Variants in MSX2 observed in about 807,000 individuals in gnomAD.
MSX2 encodes the protein homeobox protein MSX-2.
Under a neutral mutation model 18.4 loss-of-function variants are expected in MSX2, and 10 were observed. The observed-to-expected ratio is 0.54, with a 90% CI of 0.34 to 0.92. The LOEUF (loss-of-function observed/expected upper bound fraction) is 0.92, where lower values mean the gene tolerates loss of function less well. MSX2 is among the 40% of genes least tolerant of loss of function. The pLI, the probability that MSX2 is intolerant of heterozygous loss-of-function variation, is 0.02. For missense variants in MSX2, 339 were observed against 364.0 expected (o/e 0.93, Z 0.56); for synonymous variants, 170 against 165.6 (o/e 1.03, Z -0.20).
rs1760739692 is a variant in MSX2 at position 174,724,771 on chromosome 5, C to G, written c.112C>G (p.Arg38Gly). ...PGGAEGAAEERRVKVSSLPFS... is the reference protein window; with the variant it reads ...PGGAEGAAEEGRVKVSSLPFS... Reference sequence around the variant, plus strand: ...GGGCGCCGAGGGGGCCGCGGAGGAGCGCCGCGTCAAGGTCTCCAGCCTGCC... The same window carrying G: ...GGGCGCCGAGGGGGCCGCGGAGGAGGGCCGCGTCAAGGTCTCCAGCCTGCC... Residue 38 changes from arginine (R) to glycine (G), a missense_variant, in exon 1 of 2, where the codon CGC (arginine) becomes GGC (glycine). Physicochemically the swap from Arg to Gly is moderately radical, Grantham distance 125. Around this residue, in one of 2 missense-constraint regions of MSX2, gnomAD observed 211 missense variants for 185.4 expected, o/e 1.14. Transcript: ENST00000239243. 6.4e-7 allele frequency: 1 copy of G among 1,558,702 alleles called. No individual in the cohort carries two copies. Among genetic ancestry groups the G allele is most frequent in the Non-Finnish European group, 8.7e-7 (1 of 1,152,084 alleles).
chr5:174,724,619 A>T lies in MSX2; in HGVS notation c.-41A>T, dbSNP rs766231752. ...TTTGAGTCGCCGCTGCCGGGTTGCC[A>T]GCGGAGTCGCGCGTCGGGAGCTACG... On this transcript the variant is annotated 5_prime_UTR_variant, in exon 1 of 2. Coordinates refer to ENST00000239243, the MANE Select transcript of MSX2 (RefSeq NM_002449.5). The T allele has an allele frequency of 1.3e-6, 2 of 1,562,328 alleles. No individual in the cohort carries two copies. Among genetic ancestry groups the T allele is most frequent in the Middle Eastern group, 2.3e-4 (1 of 4,440 alleles).
Position 174,725,168 on chromosome 5 carries a change from G to T in MSX2, c.379+130G>T, listed in dbSNP as rs904772268. The T allele has an allele frequency of 8.6e-6, 12 of 1,396,470 alleles. No homozygotes were observed. In the African/African-American group the frequency reaches 1.7e-4, roughly 20 times the overall value. 86.5% of individuals were successfully genotyped at this position (1,396,470 alleles called of 1,614,324 possible). A position where few individuals can be genotyped will look rare whatever the true frequency, so the allele number is the denominator to read the frequency against. ...ACACTCCCGGGAAAGCAAGCCCAGGGCCTCTGGACTCCTGGGTGCCCGGGG... is the reference window on the plus strand; with the variant it reads ...ACACTCCCGGGAAAGCAAGCCCAGGTCCTCTGGACTCCTGGGTGCCCGGGG... On this transcript the variant is annotated intron_variant, in intron 1 of 1. Coordinates refer to ENST00000239243, the MANE Select transcript of MSX2 (RefSeq NM_002449.5).
In MSX2 at chr5:174,730,718, A is replaced by T. The variant is rs1187119071; in HGVS notation, c.*1135A>T. On this transcript the variant is annotated 3_prime_UTR_variant, in exon 2 of 2. Coordinates refer to ENST00000239243, the MANE Select transcript of MSX2 (RefSeq NM_002449.5). ...CTTGGTGAAAATGGGATTGTCAAAC[A>T]GCCCATTAAGTTCCCTGGTATTTCA... 1 of 152,646 alleles carries T rather than the reference A, an allele frequency of 6.6e-6. No individual in the cohort carries two copies. The highest frequency in any genetic ancestry group is 2.4e-5 in the African/African-American group (1 of 41,456). 9.5% of individuals were successfully genotyped at this position (152,646 alleles called of 1,614,324 possible).
At position 174,725,049 on chromosome 5, in the gene MSX2, G is replaced by T; in HGVS notation, c.379+11G>T. On this transcript the variant is annotated intron_variant, in intron 1 of 1. Transcript: ENST00000239243. The stretch of plus-strand genomic sequence containing the variant: ...ATTCGCCGCCGCCAAGTGAGTGCGC[G>T]CCGGGGCAGGAGTAGGAGGTAGCGC... 1 of 1,609,312 alleles carries T rather than the reference G, an allele frequency of 6.2e-7. No individual in the cohort carries two copies. Among genetic ancestry groups the T allele is most frequent in the Non-Finnish European group, 8.5e-7 (1 of 1,178,990 alleles).
intron 1 of MSX2, among the ~76,000 whole-genome samples, chr5:174,725,844 GTGTAGACAC>G (rs1760784253): frequency 6.6e-6 from 1 of 152,210 alleles, no homozygotes; most frequent in Admixed American, 6.5e-5. Context: ...GAACCCCCAA[GTGTAGACAC>G]TGGACTTGTG....
chr5:174,726,520 C>G (rs1489359782), intron 1 of MSX2, among the ~76,000 whole-genome samples: 1 of 151,062 alleles, frequency 6.6e-6, no homozygotes, highest in Non-Finnish European at 1.5e-5. Context: ...AGGGCAGCAG[C>G]CGGCCTCTTA....
chr5:174,727,291 G>C (rs1245964820), intron 1 of MSX2, among the ~76,000 whole-genome samples: 1 of 152,134 alleles, frequency 6.6e-6, no homozygotes, highest in Admixed American at 6.5e-5. Flanking sequence ...AAAATTAGGT[G>C]GGGGTGGAGG....
chr5:174,729,015 AT>A (rs1469400145), intron 1 of MSX2, 143 bp from the exon 2 acceptor site: 1 of 680,382 alleles, frequency 1.5e-6, no homozygotes, highest in Non-Finnish European at 2.5e-6. Flanking sequence ...GTATATATAG[AT>A]TTTTTTAAAG....
Position 174,724,722 on chromosome 5 carries a change from G to A in MSX2, c.63G>A (p.Val21=). 1 of 1,590,534 alleles carries A rather than the reference G, an allele frequency of 6.3e-7. No homozygotes were observed. The highest frequency in any genetic ancestry group is 8.6e-7 in the Non-Finnish European group (1 of 1,169,278). The change falls in exon 1 of 2, where the codon GTG becomes GTA. Residue 21 remains valine, a synonymous_variant. Transcript: ENST00000239243. The part of the protein sequence containing the change: ...FSPDEEGPAV[V]AGPGPGPGGA... Reference sequence around the variant, plus strand: ...CCGACGAGGAGGGCCCAGCAGTGGTGGCCGGACCAGGCCCGGGGCCTGGGG... The same window carrying A: ...CCGACGAGGAGGGCCCAGCAGTGGTAGCCGGACCAGGCCCGGGGCCTGGGG...
chr5:174,728,212 A>G (rs1231967007), intron 1 of MSX2, among the ~76,000 whole-genome samples: 2 of 152,190 alleles, frequency 1.3e-5, no homozygotes, highest in East Asian at 1.9e-4. Context: ...AAGCCATAGA[A>G]TGGGTAGAGG....
rs781168329 is a variant in MSX2, at chr5:174,729,146, C to A, written c.380-13C>A. On this transcript the variant is annotated splice_polypyrimidine_tract_variant and intron_variant, in intron 1 of 1. Coordinates refer to ENST00000239243, the MANE Select transcript of MSX2 (RefSeq NM_002449.5). ...CTTTCTTTTGCTAATCCGCTCCTCT[C>A]TCTGTTCTCTAGGACATATGAGCCC... The A allele has an allele frequency of 2.5e-6, 4 of 1,613,248 alleles. No individual in the cohort carries two copies. In the South Asian group the frequency reaches 4.4e-5, roughly 18 times the overall value.
Position 174,729,337 on chromosome 5 carries a change from C to G in MSX2, c.558C>G (p.Val186=). Residue 186 remains valine, a synonymous_variant, in exon 2 of 2, where the codon GTC becomes GTG. Transcript: ENST00000239243. ...CTCTGAACCTCACAGAGACCCAGGT[C>G]AAAATCTGGTTCCAGAACCGAAGGG... ...SSSLNLTETQ[V]KIWFQNRRAK... is the part of the protein sequence containing the mutation. 3 of 1,614,166 alleles carry G rather than the reference C, an allele frequency of 1.9e-6. No homozygotes were observed. Among genetic ancestry groups the G allele is most frequent in the Non-Finnish European group, 2.5e-6 (3 of 1,180,036 alleles).
rs1415931146 is a variant in MSX2 at position 174,724,924 on chromosome 5, G to A, written c.265G>A (p.Ala89Thr). ...GCTGTCGGGGCACGGCGCTCGGGAA[G>A]CGCACAGCCCCGGGCCGCTGGTGAA... ...LLLSGHGARE[A>T]HSPGPLVKPF... is the part of the protein sequence containing the mutation. Residue 89 changes from alanine to threonine, a missense_variant, in exon 1 of 2, where the codon GCG becomes ACG. Transcript: ENST00000239243. 6.3e-7 allele frequency: 1 copy of A among 1,580,738 alleles called. No individual in the cohort carries two copies. Among genetic ancestry groups the A allele is most frequent in the East Asian group, 2.3e-5 (1 of 43,832 alleles).
intron 1 of MSX2, among the ~76,000 whole-genome samples, chr5:174,728,883 C>CCCCT (rs1760858686): frequency 6.6e-6 from 1 of 151,492 alleles, no homozygotes; most frequent in African/African-American, 2.4e-5. Flanking sequence ...ATATATGGTC[C>CCCCT]CCCTCCCCCC....
rs544778147 is a variant in MSX2 at position 174,728,229 on chromosome 5, C to G, written c.380-930C>G. ...GCCATAGAATGGGTAGAGGGGATGA[C>G]TAAGATGTCATCACGTGCTCTCAAT... On this transcript the variant is annotated intron_variant, in intron 1 of 1. Transcript: ENST00000239243. Among the ~76,000 whole-genome samples the G allele has an allele frequency of 2.4e-4, 37 of 152,318 alleles. No individual in the cohort carries two copies. In the South Asian group the frequency reaches 7.3e-3, roughly 30 times the overall value.
Position 174,729,750 on chromosome 5 carries a change from T to C in MSX2, c.*167T>C, listed in dbSNP as rs1760885610. On this transcript the variant is annotated 3_prime_UTR_variant, in exon 2 of 2. Transcript: ENST00000239243. ...CACGACATAGCTGAAATTTGTTCTGTAGGCGGAGGCACCAAGCCCTGTTTT... is the reference window on the plus strand; with the variant it reads ...CACGACATAGCTGAAATTTGTTCTGCAGGCGGAGGCACCAAGCCCTGTTTT... The C allele has an allele frequency of 1.5e-6, 1 of 664,324 alleles. No individual in the cohort carries two copies. The highest frequency in any genetic ancestry group is 2.6e-6 in the Non-Finnish European group (1 of 382,432). 41.2% of individuals were successfully genotyped at this position (664,324 alleles called of 1,614,324 possible). A position where few individuals can be genotyped will look rare whatever the true frequency, so the allele number is the denominator to read the frequency against.
chr5:174,729,309 GCT>G lies in MSX2; in HGVS notation c.535_536del (p.Leu179GlufsTer65). 6.2e-7 allele frequency: 1 copy of G among 1,614,154 alleles called. No homozygotes were observed. The highest frequency in any genetic ancestry group is 8.5e-7 in the Non-Finnish European group (1 of 1,180,036). On this transcript the variant is annotated frameshift_variant, in exon 2 of 2. Transcript: ENST00000239243. LOFTEE classifies it high-confidence loss of function. ...ATTGCAGAGCGTGCAGAGTTCTCCA[GCT>G]CTCTGAACCTCACAGAGACCCAGGT...
At chr5:174,727,124 G>A (rs753645052) in intron 1 of MSX2, among the ~76,000 whole-genome samples, 3 of 152,272 alleles carry the variant, frequency 2.0e-5, no homozygotes, top group Admixed American at 6.5e-5. Context: ...AGGTGGCAGC[G>A]GGAACCCTGT....
Position 174,729,438 on chromosome 5 carries a change from T to G in MSX2, c.659T>G (p.Phe220Cys). 1 of 1,614,072 alleles carries G rather than the reference T, an allele frequency of 6.2e-7. No homozygotes were observed. Among genetic ancestry groups the G allele is most frequent in the Non-Finnish European group, 8.5e-7 (1 of 1,179,926 alleles). Residue 220 changes from phenylalanine to cysteine, a missense_variant, in exon 2 of 2, where the codon TTC (phenylalanine) becomes TGC (cysteine). Coordinates refer to ENST00000239243, the MANE Select transcript of MSX2 (RefSeq NM_002449.5). ...GCAAAACCTATGCTGCCCTCCAGCTTCAGTCTCCCTTTCCCCATCAGCTCG... is the reference window on the plus strand; with the variant it reads ...GCAAAACCTATGCTGCCCTCCAGCTGCAGTCTCCCTTTCCCCATCAGCTCG... ...MAAKPMLPSS[F>C]SLPFPISSPL...
Sources: allele counts gnomAD v4.1 joint callset (sites outside exome capture counted in the v4.1 genomes callset), GRCh38; gene constraint gnomAD v4.1.1; regional missense constraint gnomAD v4.1.1; transcripts MANE v1.5; gene names NCBI Gene and HGNC (gene_info 2026-07-23, HGNC 2026-07-21).